Variants in DENND2B observed in about 807,000 individuals in gnomAD.
DENND2B encodes the protein DENN domain-containing protein 2B.
In DENND2B, 32 loss-of-function variants were observed where a neutral mutation model predicts 116.0. The observed-to-expected ratio is 0.28, with a 90% CI of 0.21 to 0.37. The LOEUF is 0.37. Ranked by LOEUF, DENND2B falls within the 10% of genes least tolerant of loss-of-function variation. DENND2B has a pLI of 1.00. For missense variants in DENND2B, 1,276 were observed against 1,477.7 expected, an observed-to-expected ratio of 0.86 and a Z score of 2.24; for synonymous variants, 588 against 583.9, an observed-to-expected ratio of 1.01 and a Z score of -0.10.
intron 2 of DENND2B, among the ~76,000 whole-genome samples, chr11:8,746,729 C>T (rs929917302): frequency 6.6e-6 from 1 of 152,132 alleles, no homozygotes; most frequent in Non-Finnish European, 1.5e-5. Flanking sequence ...AGGGCCAGAT[C>T]ATGAAAAGCC....
At chr11:8,877,110 T>TC (rs1306070981) in intron 2 of DENND2B, among the ~76,000 whole-genome samples, 3 of 142,268 alleles carry the variant, frequency 2.1e-5, no homozygotes, top group Admixed American at 7.0e-5. Flanking sequence ...CTTTTTTTTT[T>TC]TTTTTTTTTT....
intron 1 of DENND2B, chr11:8,807,933 G>A (rs2061020511): frequency 6.6e-6 from 1 of 152,316 alleles, no homozygotes; most frequent in African/African-American, 2.4e-5. Context: ...CAGTAAAGCT[G>A]GGGCTGTGGG....
At chr11:8,822,468 C>T (rs534553985) in intron 4 of DENND2B, among the ~76,000 whole-genome samples, 3 of 152,326 alleles carry the variant, frequency 2.0e-5, no homozygotes, top group South Asian at 2.1e-4. Flanking sequence ...TATAACTGAA[C>T]GTTTAGCAAC....
At chr11:8,783,918 C>G (rs765998462) in intron 1 of DENND2B, 3 of 152,230 alleles carry the variant, frequency 2.0e-5, no homozygotes, top group African/African-American at 7.2e-5. Context: ...GTGAGGAGGA[C>G]AGCTGGGAGA....
At chr11:8,793,549 C>A (rs2059564125) in intron 1 of DENND2B, among the ~76,000 whole-genome samples, 1 of 152,238 alleles carries the variant, frequency 6.6e-6, no homozygotes, top group Non-Finnish European at 1.5e-5. Flanking sequence ...GAATAGTCCA[C>A]AGTCTGTATT....
intron 1 of DENND2B, among the ~76,000 whole-genome samples, chr11:8,770,271 G>A (rs1317850198): frequency 7.9e-5 from 12 of 152,144 alleles, no homozygotes; most frequent in African/African-American, 2.9e-4. Context: ...AGGATTAAAT[G>A]CAAAAGGTAT....
At chr11:8,806,634 A>ACACACACACACACACACACACACACC (rs1442850134) in intron 1 of DENND2B, among the ~76,000 whole-genome samples, 2 of 151,682 alleles carry the variant, frequency 1.3e-5, no homozygotes, top group Admixed American at 1.3e-4. Flanking sequence ...ACACACACAC[A>ACACACACACACACACACACACACACC]CACACCCAGG....
rs183978528 is a variant in DENND2B at position 8,890,048 on chromosome 11, C to T, written c.-255-8939G>A. On this transcript the variant is annotated intron_variant, in intron 1 of 22. Transcript: ENST00000534127. ...GGGTACTCCTCTGAGACAAAACTTC[C>T]AGGGGAACGATCAGGCAGCAACATT... Among the ~76,000 whole-genome samples, 6 of 152,278 alleles carry T rather than the reference C, an allele frequency of 3.9e-5. No individual in the cohort carries two copies. The East Asian group carries it at 5.8e-4, about 15-fold the overall frequency.
chr11:8,776,149 C>T (rs555359300), intron 1 of DENND2B: 3,771 of 333,348 alleles, frequency 0.011, 50 homozygotes, highest in African/African-American at 0.085. Context: ...CGTGCGCGCA[C>T]GCGCGCGCGC....
At chr11:8,714,091 G>GA (rs781487838) in intron 7 of DENND2B, 49 bp from the exon 8 acceptor site, 10 of 1,598,836 alleles carry the variant, frequency 6.3e-6, no homozygotes, top group Non-Finnish European at 8.6e-6. Flanking sequence ...CACAGCCAAT[G>GA]TTTTTTGCTC....
intron 4 of DENND2B, among the ~76,000 whole-genome samples, chr11:8,820,585 T>C (rs901852571): frequency 5.9e-5 from 9 of 152,338 alleles, no homozygotes; most frequent in African/African-American, 2.2e-4. Context: ...AGCATATGCA[T>C]GTGTGAGAGG....
At chr11:8,841,412 G>A (rs2062620262) in intron 3 of DENND2B, among the ~76,000 whole-genome samples, 1 of 152,158 alleles carries the variant, frequency 6.6e-6, no homozygotes, top group South Asian at 2.1e-4. Context: ...ACCAAGCTTG[G>A]AGGATCGCTT....
chr11:8,718,577 C>A, intron 4 of DENND2B: 1 of 1,373,778 alleles, frequency 7.3e-7, no homozygotes, highest in Non-Finnish European at 9.4e-7. Flanking sequence ...CCCTCTACCG[C>A]TGATCTCAGC....
chr11:8,901,526 G>A (rs892017981), intron 1 of DENND2B, among the ~76,000 whole-genome samples: 3 of 151,926 alleles, frequency 2.0e-5, no homozygotes, highest in Non-Finnish European at 2.9e-5. Context: ...CAGCATGCCC[G>A]GCTCCTAGTT....
intron 4 of DENND2B, among the ~76,000 whole-genome samples, chr11:8,721,652 T>A (rs927998758): frequency 1.3e-5 from 2 of 152,192 alleles, no homozygotes; most frequent in African/African-American, 4.8e-5. Flanking sequence ...TTGCCCACCC[T>A]CCAAGCCTTG....
At chr11:8,820,883 A>G (rs2061734744) in intron 4 of DENND2B, among the ~76,000 whole-genome samples, 2 of 152,290 alleles carry the variant, frequency 1.3e-5, no homozygotes, top group African/African-American at 4.8e-5. Flanking sequence ...GCACTTTGGG[A>G]GGCCAAGGTA....
intron 1 of DENND2B, among the ~76,000 whole-genome samples, chr11:8,798,532 C>T (rs1301627122): frequency 1.3e-5 from 2 of 152,168 alleles, no homozygotes; most frequent in African/African-American, 2.4e-5. Flanking sequence ...CAGTCTCCAC[C>T]GCCTTTTTTT....
At chr11:8,764,942 C>CACA (rs772055051) in intron 1 of DENND2B, among the ~76,000 whole-genome samples, 16 of 100,296 alleles carry the variant, frequency 1.6e-4, no homozygotes, top group Middle Eastern at 4.9e-3. Flanking sequence ...GAGACTGTCT[C>CACA]AAAAAAAAAA....
intron 2 of DENND2B, among the ~76,000 whole-genome samples, chr11:8,744,831 T>C (rs2050938381): frequency 6.6e-6 from 1 of 152,134 alleles, no homozygotes; most frequent in Admixed American, 6.5e-5. Flanking sequence ...TCTCTTTAAG[T>C]TACAGGTCTT....
Sources: gnomAD v4.1 joint callset for allele counts (sites outside exome capture counted in the v4.1 genomes callset) on GRCh38, gnomAD v4.1.1 for gene constraint, MANE v1.5 for transcripts, NCBI Gene and HGNC (gene_info 2026-07-23, HGNC 2026-07-21) for gene names.